The following GTF2E2 variants were observed in gnomAD, a reference collection of about 807,000 sequenced individuals.
GTF2E2 encodes general transcription factor IIE subunit 2.
Under a neutral mutation model 40.5 loss-of-function variants are expected in GTF2E2, and 21 were observed. The observed-to-expected ratio is 0.52, with a 90% CI of 0.37 to 0.75. The LOEUF is 0.75. Ranked by LOEUF, GTF2E2 falls within the 30% of genes least tolerant of loss-of-function variation. The pLI, the probability that GTF2E2 is intolerant of heterozygous loss-of-function variation, is 0.00. For synonymous variants in GTF2E2, 117 were observed against 121.6 expected (o/e 0.96, Z 0.25); for missense variants, 298 against 338.4 (o/e 0.88, Z 0.94).
chr8:30,622,543 C>T (rs1353515640), intron 3 of GTF2E2, among the ~76,000 whole-genome samples: 2 of 151,998 alleles, frequency 1.3e-5, no homozygotes, highest in Non-Finnish European at 2.9e-5. Context: ...TCATTGGTAA[C>T]ATCTTATCAG....
intron 2 of GTF2E2, among the ~76,000 whole-genome samples, chr8:30,646,313 C>T (rs1440169431): frequency 1.3e-5 from 2 of 152,100 alleles, no homozygotes; most frequent in Non-Finnish European, 2.9e-5. Context: ...TATTTATACT[C>T]TCAAAGGCTA....
At chr8:30,615,370 T>A (rs751462856) in intron 3 of GTF2E2, among the ~76,000 whole-genome samples, 30 of 152,074 alleles carry the variant, frequency 2.0e-4, no homozygotes, top group Non-Finnish European at 1.3e-4. Context: ...GACACTCAAC[T>A]TTCACCAAAC....
At chr8:30,616,267 C>G (rs1454822995) in intron 3 of GTF2E2, among the ~76,000 whole-genome samples, 1 of 151,988 alleles carries the variant, frequency 6.6e-6, no homozygotes, top group Non-Finnish European at 1.5e-5. Context: ...GAAATCCCAT[C>G]TCTACTAAAA....
chr8:30,600,985 G>C (rs1256169860), intron 6 of GTF2E2, among the ~76,000 whole-genome samples: 1 of 152,220 alleles, frequency 6.6e-6, no homozygotes, highest in East Asian at 1.9e-4. Flanking sequence ...AGAGATGAAT[G>C]TTAAAACGTG....
At chr8:30,598,799 C>A (rs1176830859) in intron 6 of GTF2E2, among the ~76,000 whole-genome samples, 1 of 152,126 alleles carries the variant, frequency 6.6e-6, no homozygotes, top group East Asian at 1.9e-4. Flanking sequence ...GTTCAGTTGA[C>A]AAAGAGAAAT....
intron 6 of GTF2E2, among the ~76,000 whole-genome samples, chr8:30,585,363 T>TA: frequency 6.6e-6 from 1 of 152,314 alleles, no homozygotes; most frequent in Admixed American, 6.5e-5. Flanking sequence ...CTGGTGTCTT[T>TA]AATAAAGGCA....
At chr8:30,646,979 C>CAAAAAAAAAAAAAAAAAAA (rs56762565) in intron 2 of GTF2E2, among the ~76,000 whole-genome samples, 1 of 51,212 alleles carries the variant, frequency 2.0e-5, no homozygotes, top group Non-Finnish European at 3.2e-5. Flanking sequence ...GACTCCGTCT[C>CAAAAAAAAAAAAAAAAAAA]AAAAAAAAAA....
At chr8:30,647,966 C>T (rs374710194) in intron 2 of GTF2E2, among the ~76,000 whole-genome samples, 6 of 152,114 alleles carry the variant, frequency 3.9e-5, no homozygotes, top group South Asian at 2.1e-4. Flanking sequence ...CAAGGAACCA[C>T]GTCACTACAA....
intron 6 of GTF2E2, among the ~76,000 whole-genome samples, chr8:30,592,794 A>C (rs778897665): frequency 6.6e-6 from 1 of 152,226 alleles, no homozygotes; most frequent in South Asian, 2.1e-4. Context: ...CAGATGCAGA[A>C]CCAAAAGACA....
chr8:30,600,529 T>C (rs1829147144), intron 6 of GTF2E2, among the ~76,000 whole-genome samples: 1 of 152,154 alleles, frequency 6.6e-6, no homozygotes, highest in Admixed American at 6.5e-5. Context: ...TTAAGTGTCT[T>C]GCCTAGGCTA....
chr8:30,624,265 G>C (rs1391838355), intron 3 of GTF2E2, among the ~76,000 whole-genome samples: 3 of 152,142 alleles, frequency 2.0e-5, no homozygotes, highest in African/African-American at 7.2e-5. Context: ...TTGTTGAACA[G>C]GGAATCCTTT....
chr8:30,598,446 C>T (rs887740338), intron 6 of GTF2E2, among the ~76,000 whole-genome samples: 3 of 152,186 alleles, frequency 2.0e-5, no homozygotes, highest in African/African-American at 4.8e-5. Context: ...TGAAAGTACA[C>T]TTTAAAATTT....
chr8:30,648,155 C>T (rs1331749183), intron 2 of GTF2E2, among the ~76,000 whole-genome samples: 1 of 152,040 alleles, frequency 6.6e-6, no homozygotes, highest in East Asian at 1.9e-4. Context: ...AGAAATAATA[C>T]GAATAAAAGC....
At chr8:30,585,619 A>C (rs1350808571) in intron 6 of GTF2E2, among the ~76,000 whole-genome samples, 1 of 152,080 alleles carries the variant, frequency 6.6e-6, no homozygotes, top group Non-Finnish European at 1.5e-5. Context: ...ATATGCAGAA[A>C]TATTTGTGTA....
At chr8:30,657,371 CCTCTTTCAACCTTACTACTTCCCCT>C (rs1242087014) in intron 1 of GTF2E2, among the ~76,000 whole-genome samples, 7 of 152,162 alleles carry the variant, frequency 4.6e-5, no homozygotes, top group African/African-American at 1.7e-4. Context: ...CACCATTCGA[CCTCTTTCAACCTTACTACTTCCCCT>C]CTCTTTCACT....
intron 6 of GTF2E2, among the ~76,000 whole-genome samples, chr8:30,590,880 AG>A (rs141794309): frequency 0.033 from 4,957 of 152,110 alleles, 298 homozygotes; most frequent in African/African-American, 0.11. Flanking sequence ...TAGTAGAGAC[AG>A]GGTTTTGCCA....
At chr8:30,599,600 C>T (rs1281078327) in intron 6 of GTF2E2, among the ~76,000 whole-genome samples, 1 of 147,368 alleles carries the variant, frequency 6.8e-6, no homozygotes, top group Admixed American at 6.7e-5. Context: ...AAAAAAACTT[C>T]CCATCTGTGG....
intron 6 of GTF2E2, among the ~76,000 whole-genome samples, chr8:30,591,350 G>A (rs930637633): frequency 4.6e-5 from 7 of 152,006 alleles, no homozygotes; most frequent in East Asian, 1.9e-4. Flanking sequence ...CCCAGGTACC[G>A]TGGCACACCT....
At chr8:30,646,022 TTATATA>T (rs1029058477) in intron 2 of GTF2E2, 2 of 154,134 alleles carry the variant, frequency 1.3e-5, no homozygotes, top group South Asian at 2.0e-4. Flanking sequence ...ATACTTCCAC[TTATATA>T]TATAAAGTTC....
Sources: allele counts gnomAD v4.1 joint callset (sites outside exome capture counted in the v4.1 genomes callset), GRCh38; gene constraint gnomAD v4.1.1; transcripts MANE v1.5; gene names NCBI Gene and HGNC (gene_info 2026-07-23, HGNC 2026-07-21).